The following PGS1 variants were observed in gnomAD, a reference collection of about 807,000 sequenced individuals.
PGS1 encodes the protein CDP-diacylglycerol--glycerol-3-phosphate 3-phosphatidyltransferase, mitochondrial.
PGS1 carries 44 observed loss-of-function variants against 58.3 expected under a neutral mutation model. The observed-to-expected ratio is 0.75, with a 90% CI of 0.59 to 0.97. The LOEUF (loss-of-function observed/expected upper bound fraction) is 0.97, where lower values mean the gene tolerates loss of function less well. PGS1 is among the 50% of genes least tolerant of loss of function. The pLI is 0.00. For missense variants in PGS1, 684 were observed against 731.1 expected (o/e 0.94, Z 0.74); for synonymous variants, 330 against 311.0 (o/e 1.06, Z -0.64).
At chr17:78,398,427 C>G (rs936358810) in intron 4 of PGS1, 76 bp downstream of exon 4, 23 of 980,550 alleles carry the variant, frequency 2.3e-5, no homozygotes, top group Non-Finnish European at 3.8e-5. Flanking sequence ...ACTGTCACCC[C>G]CTCATCCCCA....
chr17:78,406,624 G>GTC (rs1382410733), intron 7 of PGS1, among the ~76,000 whole-genome samples: 1 of 152,268 alleles, frequency 6.6e-6, no homozygotes, highest in Non-Finnish European at 1.5e-5. Flanking sequence ...GGTGGTCAGT[G>GTC]TCTCAGGGCA....
In PGS1 at chr17:78,403,992, C is replaced by A. The variant is rs144934446; in HGVS notation, c.1305C>A (p.Ile435=). The change falls in exon 7 of 10, where the codon ATC becomes ATA. Residue 435 remains isoleucine (I), a synonymous_variant. Transcript: ENST00000262764. The stretch of plus-strand genomic sequence containing the variant: ...CCATCCCAGCGGCCTATGTGCACAT[C>A]GAGCGACAGTTCTTCAGTGAGGTGT... ...AGAIPAAYVH[I]ERQFFSEVCS... 1 of 1,613,900 alleles carries A rather than the reference C, an allele frequency of 6.2e-7. No individual in the cohort carries two copies. Among genetic ancestry groups the A allele is most frequent in the East Asian group, 2.2e-5 (1 of 44,890 alleles).
chr17:78,423,619 G>C, intron 9 of PGS1: 1 of 394,708 alleles, frequency 2.5e-6, no homozygotes, highest in East Asian at 4.6e-5. Context: ...GCCTCTGGCT[G>C]CTGGGAATTG....
In PGS1 at chr17:78,424,339, A is replaced by T; in HGVS notation, c.*289A>T. On this transcript the variant is annotated 3_prime_UTR_variant, in exon 10 of 10. Transcript: ENST00000262764. ...AGGTGATGGCCTGCATGTTGTAACT[A>T]CCCCGTCCCGCTGGGCTCAAGGAAC... 1.5e-6 allele frequency: 1 copy of T among 651,892 alleles called. No homozygotes were observed. Among genetic ancestry groups the T allele is most frequent in the Non-Finnish European group, 2.5e-6 (1 of 399,520 alleles). 40.4% of individuals were successfully genotyped at this position (651,892 alleles called of 1,614,324 possible).
chr17:78,406,014 G>A (rs1240355635), intron 7 of PGS1, among the ~76,000 whole-genome samples: 9 of 152,046 alleles, frequency 5.9e-5, no homozygotes, highest in African/African-American at 1.7e-4. Context: ...TGGGGGATGC[G>A]TTGTAAGAAA....
intron 9 of PGS1, among the ~76,000 whole-genome samples, chr17:78,423,261 G>A (rs1008617812): frequency 3.9e-5 from 6 of 152,250 alleles, no homozygotes; most frequent in East Asian, 3.9e-4. Flanking sequence ...CCTCACTGCC[G>A]TGTCCTGCAT....
intron 5 of PGS1, chr17:78,399,901 GA>G (rs760666903): frequency 1.1e-4 from 31 of 292,168 alleles, no homozygotes; most frequent in Non-Finnish European, 1.9e-4. Context: ...ACAAGAGTCA[GA>G]CCTGGAAGTC....
At chr17:78,409,518 C>T (rs919050267) in intron 7 of PGS1, among the ~76,000 whole-genome samples, 4 of 152,222 alleles carry the variant, frequency 2.6e-5, no homozygotes, top group East Asian at 3.9e-4. Context: ...ACACGTGAGG[C>T]GGCTCTCCCC....
At chr17:78,413,558 CCTG>C (rs1567996509) in intron 7 of PGS1, among the ~76,000 whole-genome samples, 1 of 152,142 alleles carries the variant, frequency 6.6e-6, no homozygotes, top group Non-Finnish European at 1.5e-5. Flanking sequence ...CTCCCTCACA[CCTG>C]CTCACTCTCA....
intron 8 of PGS1, among the ~76,000 whole-genome samples, chr17:78,418,625 T>G (rs1209475595): frequency 2.6e-5 from 4 of 152,248 alleles, no homozygotes; most frequent in Non-Finnish European, 5.9e-5. Flanking sequence ...TTTTCCTTGT[T>G]ATAAATATTG....
chr17:78,379,820 A>G (rs557078955), intron 1 of PGS1, among the ~76,000 whole-genome samples: 41 of 148,576 alleles, frequency 2.8e-4, no homozygotes, highest in African/African-American at 9.2e-4. Flanking sequence ...CAAGAGCAAA[A>G]CTCTGTTTCA....
In PGS1 at chr17:78,423,993, G is replaced by A. The variant is rs190586281; in HGVS notation, c.*11-68G>A. 334 of 1,614,034 alleles carry A rather than the reference G, an allele frequency of 2.1e-4. 2 individuals carry two copies. The East Asian group carries it at 6.1e-3, about 30-fold the overall frequency. On this transcript the variant is annotated intron_variant, in intron 9 of 9. Coordinates refer to ENST00000262764, the MANE Select transcript of PGS1 (RefSeq NM_024419.5). ...TCAAGTTAAAGGTCCAGACATAGGT[G>A]GGGCCGCGGATGCGTGTTTTGTACA...
chr17:78,398,535 A>G (rs1474636454), intron 4 of PGS1, among the ~76,000 whole-genome samples, 184 bp downstream of exon 4: 3 of 152,196 alleles, frequency 2.0e-5, no homozygotes, highest in Non-Finnish European at 4.4e-5. Context: ...CTGAAAGCCC[A>G]ACTAAAAACA....
chr17:78,416,924 G>A (rs1005470191), intron 8 of PGS1, among the ~76,000 whole-genome samples: 2 of 152,138 alleles, frequency 1.3e-5, no homozygotes, highest in East Asian at 1.9e-4. Flanking sequence ...CCCAGCCACC[G>A]TGGGCTCCCT....
At chr17:78,387,556 C>T (rs184571736) in intron 1 of PGS1, among the ~76,000 whole-genome samples, 510 of 150,068 alleles carry the variant, frequency 3.4e-3, no homozygotes, top group Middle Eastern at 0.01. Flanking sequence ...GCCTTGGCCT[C>T]CCAAAGTGTT....
rs755276390 is a variant in PGS1, at chr17:78,404,076, G to A, written c.1389G>A (p.Thr463=). 10 of 1,573,902 alleles carry A rather than the reference G, an allele frequency of 6.4e-6. No individual in the cohort carries two copies. Among genetic ancestry groups the A allele is most frequent in the South Asian group, 5.7e-5 (5 of 87,432 alleles). The change falls in exon 7 of 10, where the codon ACG becomes ACA. Residue 463 remains threonine, a synonymous_variant. Coordinates refer to ENST00000262764, the MANE Select transcript of PGS1 (RefSeq NM_024419.5). The part of the protein sequence containing the change: ...QLQEYWRRGW[T]FHAKGLWLYL... ...AGGAGTACTGGCGGAGGGGCTGGAC[G>A]TTCCACGCCAAAGGTGCGCAGCGGC...
intron 6 of PGS1, among the ~76,000 whole-genome samples, chr17:78,402,289 T>G (rs1321861623): frequency 2.0e-5 from 3 of 152,224 alleles, no homozygotes; most frequent in Non-Finnish European, 2.9e-5. Flanking sequence ...ACTTCCCTGA[T>G]CAGCCTTGCC....
chr17:78,398,072 A>C, intron 3 of PGS1, 180 bp from the exon 4 acceptor site: 1 of 679,248 alleles, frequency 1.5e-6, no homozygotes. Flanking sequence ...GCTTCTTCTG[A>C]TGATCATGAA....
intron 1 of PGS1, among the ~76,000 whole-genome samples, chr17:78,389,183 G>A (rs2082628780): frequency 1.3e-5 from 2 of 148,680 alleles, no homozygotes; most frequent in Non-Finnish European, 3.0e-5. Context: ...CCTCAGCCAC[G>A]GGCGGCTAAT....
Sources: gnomAD v4.1 joint callset for allele counts (sites outside exome capture counted in the v4.1 genomes callset) on GRCh38, gnomAD v4.1.1 for gene constraint, MANE v1.5 for transcripts, NCBI Gene and HGNC (gene_info 2026-07-23, HGNC 2026-07-21) for gene names.